Variants in NR2C1 observed in about 807,000 individuals in gnomAD.
NR2C1 encodes the protein TR2 nuclear hormone receptor.
In NR2C1, 33 loss-of-function variants were observed where a neutral mutation model predicts 74.8. That is an observed-to-expected ratio of 0.44 (90% CI 0.33 to 0.59). NR2C1 has a LOEUF of 0.59. Among genes scored for constraint, NR2C1 ranks in the 20% least tolerant of loss-of-function variants. NR2C1 has a pLI of 0.02. For synonymous variants in NR2C1, 225 were observed against 240.6 expected (o/e 0.94, Z 0.60); for missense variants, 568 against 715.6 (o/e 0.79, Z 2.35).
chr12:95,057,913 T>C, intron 5 of NR2C1, 35 bp from the exon 6 acceptor site: 2 of 1,568,476 alleles, frequency 1.3e-6, no homozygotes, highest in Non-Finnish European at 8.8e-7. Context: ...TATCACAATA[T>C]AGGATTTACA....
chr12:95,049,480 AATAAT>A (rs1195094517), intron 8 of NR2C1: 2 of 337,560 alleles, frequency 5.9e-6, no homozygotes, highest in East Asian at 4.8e-5. Context: ...ATTTTCATAT[AATAAT>A]ATGTTTTTAA....
intron 7 of NR2C1, among the ~76,000 whole-genome samples, chr12:95,055,729 G>A (rs540478220): frequency 2.0e-4 from 31 of 152,168 alleles, no homozygotes; most frequent in African/African-American, 6.5e-4. Context: ...TGAGGCAGGC[G>A]GATCATGAGG....
rs750668991 is a variant in NR2C1, at chr12:95,030,904, T to G, written c.1393+445A>C. ...AAAGGAAAAACAGAATAAAAAGGAT[T>G]GTTCCTGACTCTTCAGAACTATTTA... On this transcript the variant is annotated intron_variant, in intron 11 of 13. Transcript: ENST00000333003. The G allele has an allele frequency of 4.2e-5, 65 of 1,530,690 alleles. 1 individual carries two copies. In the South Asian group the frequency reaches 7.3e-4, roughly 17 times the overall value. The allele number at this position is 1,530,690 out of a possible 1,614,324, so 94.8% of individuals were successfully genotyped here.
At chr12:95,043,665 GGGAGACAGAGCAAGACTCTGTCTCAAAAA>G in intron 9 of NR2C1, among the ~76,000 whole-genome samples, 1 of 113,428 alleles carries the variant, frequency 8.8e-6, no homozygotes, top group Non-Finnish European at 2.0e-5. Flanking sequence ...ACTCCAGCCT[GGGAGACAGAGCAAGACTCTGTCTCAAAAA>G]AAAAAAAAAT....
At position 95,062,568 on chromosome 12, in the gene NR2C1, A is replaced by C. The variant is rs974253171; in HGVS notation, c.225T>G (p.Asp75Glu). 3.7e-6 allele frequency: 6 copies of C among 1,613,810 alleles called. No homozygotes were observed. The highest frequency in any genetic ancestry group is 8.5e-7 in the Non-Finnish European group (1 of 1,179,902). Residue 75 changes from aspartate (D) to glutamate (E), a missense_variant, in exon 3 of 14, where the codon GAT becomes GAG. This residue lies in a region of NR2C1 where 128 missense variants were observed against 118.9 expected (regional missense o/e 1.08). Coordinates refer to ENST00000333003, the MANE Select transcript of NR2C1 (RefSeq NM_003297.4). ...AAAATAACTGGTTGACACCTGCTGC[A>C]TCTGGAGTTGTAAGGAAAACTTTTC... ...TPGKVFLTTP[D>E]AAGVNQLFFT...
chr12:95,049,398 G>T, intron 8 of NR2C1, 165 bp from the exon 9 acceptor site: 1 of 517,364 alleles, frequency 1.9e-6, no homozygotes, highest in Non-Finnish European at 3.3e-6. Flanking sequence ...GGGATTACAG[G>T]TATAAGCCAC....
At chr12:95,038,964 T>C (rs1357277826) in intron 10 of NR2C1, among the ~76,000 whole-genome samples, 2 of 152,148 alleles carry the variant, frequency 1.3e-5, no homozygotes, top group Admixed American at 6.5e-5. Context: ...ACACTGGACG[T>C]TGGGCGAGGT....
intron 13 of NR2C1, 71 bp downstream of exon 13, chr12:95,025,079 T>C: frequency 1.6e-6 from 1 of 644,914 alleles, no homozygotes; most frequent in South Asian, 2.4e-5. Flanking sequence ...GTGAGAGTAG[T>C]AATAATGAGA....
rs186088195 is a variant in NR2C1 at position 95,062,765 on chromosome 12, T to G, written c.55-27A>C. ...TAACAAAATCATGAAAAATAATCAA[T>G]GAAACTCAATAATTTTTCTTTAATG... On this transcript the variant is annotated intron_variant, in intron 2 of 13. Transcript: ENST00000333003. The G allele has an allele frequency of 4.6e-5, 71 of 1,543,300 alleles. No individual in the cohort carries two copies. The Admixed American group carries it at 1.2e-3, about 26-fold the overall frequency.
intron 4 of NR2C1, 117 bp from the exon 5 acceptor site, chr12:95,058,606 G>T: frequency 1.3e-6 from 1 of 786,692 alleles, no homozygotes; most frequent in Non-Finnish European, 2.0e-6. Context: ...TTGAGCTTCT[G>T]ACATGAAAAA....
intron 1 of NR2C1, among the ~76,000 whole-genome samples, chr12:95,068,171 C>A (rs1413395987): frequency 6.6e-6 from 1 of 151,986 alleles, no homozygotes; most frequent in East Asian, 1.9e-4. Flanking sequence ...AGCCACTGCA[C>A]CCGGCCCCAG....
At chr12:95,036,473 G>A (rs903382307) in intron 10 of NR2C1, among the ~76,000 whole-genome samples, 7 of 151,426 alleles carry the variant, frequency 4.6e-5, no homozygotes, top group Non-Finnish European at 8.8e-5. Context: ...AATAGGTACA[G>A]GTATTTTTCT....
At chr12:95,038,854 C>A (rs1238147102) in intron 10 of NR2C1, among the ~76,000 whole-genome samples, 2 of 152,002 alleles carry the variant, frequency 1.3e-5, no homozygotes, top group Admixed American at 1.3e-4. Context: ...TTGATCATTT[C>A]AGTAATTACA....
chr12:95,059,984 G>GC lies in NR2C1; in HGVS notation c.286-1dup (p.Leu96AlafsTer5). On this transcript the variant is annotated frameshift_variant and splice_region_variant. Coordinates refer to ENST00000333003, the MANE Select transcript of NR2C1 (RefSeq NM_003297.4). LOFTEE classifies it high-confidence loss of function. ...TGGTCTGGAGAATTATCTGTTAGGA[G>GC]CTAAAAAAAAAAAAAAAAAAAAAGA... 1 of 1,071,804 alleles carries GC rather than the reference G, an allele frequency of 9.3e-7. No homozygotes were observed. The highest frequency in any genetic ancestry group is 1.3e-6 in the Non-Finnish European group (1 of 788,266). 66.4% of individuals were successfully genotyped at this position (1,071,804 alleles called of 1,614,324 possible).
chr12:95,027,750 ACAATT>A (rs1348029502), intron 12 of NR2C1, among the ~76,000 whole-genome samples: 2 of 148,212 alleles, frequency 1.3e-5, no homozygotes, highest in East Asian at 1.9e-4. Context: ...AAAAAAGTAT[ACAATT>A]CAATAGTTTT....
intron 3 of NR2C1, among the ~76,000 whole-genome samples, chr12:95,061,125 G>C (rs1241237177): frequency 6.6e-6 from 1 of 152,176 alleles, no homozygotes; most frequent in African/African-American, 2.4e-5. Context: ...TACCTGGCCA[G>C]TACTCCTCAC....
chr12:95,032,789 G>A (rs752157486), intron 10 of NR2C1, among the ~76,000 whole-genome samples: 2 of 152,056 alleles, frequency 1.3e-5, no homozygotes, highest in South Asian at 2.1e-4. Flanking sequence ...GCAACATGGC[G>A]AAACTCTATC....
intron 9 of NR2C1, among the ~76,000 whole-genome samples, chr12:95,046,394 T>C (rs1367484884): frequency 1.3e-5 from 2 of 152,156 alleles, no homozygotes; most frequent in Admixed American, 6.5e-5. Flanking sequence ...AAGATAAGCC[T>C]GGACAACAAA....
chr12:95,062,695 G>T lies in NR2C1; in HGVS notation c.98C>A (p.Thr33Lys), dbSNP rs1423397503. ...QQTGQKIQIV[T>K]ALDHNTQGKQ... ...GCCTTGGGTATTATGATCAAGTGCTGTCACAATCTGGATTTTCTGCCCAGT... is the reference window on the plus strand; with the variant it reads ...GCCTTGGGTATTATGATCAAGTGCTTTCACAATCTGGATTTTCTGCCCAGT... The change falls in exon 3 of 14, where the codon ACA becomes AAA. Residue 33 changes from threonine to lysine, a missense_variant. Physicochemically the swap from Thr to Lys is moderately conservative, Grantham distance 78. Coordinates refer to ENST00000333003, the MANE Select transcript of NR2C1 (RefSeq NM_003297.4). The T allele has an allele frequency of 6.2e-7, 1 of 1,614,112 alleles. No homozygotes were observed. The highest frequency in any genetic ancestry group is 1.1e-5 in the South Asian group (1 of 91,076).
Sources: allele counts gnomAD v4.1 joint callset (sites outside exome capture counted in the v4.1 genomes callset), GRCh38; gene constraint gnomAD v4.1.1; regional missense constraint gnomAD v4.1.1; transcripts MANE v1.5; gene names NCBI Gene and HGNC (gene_info 2026-07-23, HGNC 2026-07-21).